Variants in CPE observed in about 807,000 individuals in gnomAD.
CPE encodes the protein carboxypeptidase E, also known as carbocypeptidase E.
A neutral mutation model predicts 53.5 loss-of-function variants in CPE; 17 were observed. The observed-to-expected ratio is 0.32, with a 90% CI of 0.22 to 0.48. The LOEUF (loss-of-function observed/expected upper bound fraction) is 0.48. CPE is among the 20% of genes least tolerant of loss of function. The pLI, the probability that CPE is intolerant of heterozygous loss-of-function variation, is 0.99. For missense variants in CPE, 524 were observed against 614.7 expected (o/e 0.85, Z 1.56); for synonymous variants, 226 against 228.8 (o/e 0.99, Z 0.11).
intron 1 of CPE, among the ~76,000 whole-genome samples, chr4:165,449,385 G>T (rs898280318): frequency 6.6e-6 from 1 of 152,130 alleles, no homozygotes; most frequent in African/African-American, 2.4e-5. Flanking sequence ...CTTGAATCCC[G>T]GTTTATTTTA....
intron 1 of CPE, among the ~76,000 whole-genome samples, chr4:165,397,031 A>T (rs1026483039): frequency 6.6e-6 from 1 of 152,194 alleles, no homozygotes; most frequent in African/African-American, 2.4e-5. Context: ...ACTGAACTCC[A>T]GCCTGGGTGA....
At chr4:165,493,422 T>C (rs1732643769) in intron 7 of CPE, 152 bp downstream of exon 7, 3 of 586,428 alleles carry the variant, frequency 5.1e-6, no homozygotes, top group Admixed American at 3.6e-5. Flanking sequence ...GTTTCCTTTG[T>C]GGGCTCAGGT....
In CPE at chr4:165,379,079, A is replaced by G; in HGVS notation, c.-143A>G. 2.7e-6 allele frequency: 2 copies of G among 746,854 alleles called. No homozygotes were observed. Among genetic ancestry groups the G allele is most frequent in the Non-Finnish European group, 3.6e-6 (2 of 557,670 alleles). 46.3% of individuals were successfully genotyped at this position (746,854 alleles called of 1,614,324 possible). A position where few individuals can be genotyped will look rare whatever the true frequency, so the allele number is the denominator to read the frequency against. The stretch of plus-strand genomic sequence containing the variant: ...GGCCCCAGTGCGCGGGCTGACACTC[A>G]TTCAGCCGGGGAAGGTGAGGCGAGT... On this transcript the variant is annotated 5_prime_UTR_variant, in exon 1 of 9. Coordinates refer to ENST00000402744, the MANE Select transcript of CPE (RefSeq NM_001873.4). The surrounding 1 kb of genome is among the most constrained non-coding windows in gnomAD (Gnocchi z 6.0).
At chr4:165,410,035 G>C (rs926792770) in intron 1 of CPE, among the ~76,000 whole-genome samples, 1 of 152,054 alleles carries the variant, frequency 6.6e-6, no homozygotes, top group East Asian at 1.9e-4. Flanking sequence ...ATCACCTGAG[G>C]TCAGGAGTTC....
intron 3 of CPE, among the ~76,000 whole-genome samples, chr4:165,474,956 T>C (rs1336253086): frequency 2.0e-5 from 3 of 152,232 alleles, no homozygotes; most frequent in Non-Finnish European, 2.9e-5. Flanking sequence ...CCTTCGAATA[T>C]GACCTTGAAG....
At chr4:165,404,654 G>A in intron 1 of CPE, 3 of 1,070,354 alleles carry the variant, frequency 2.8e-6, no homozygotes, top group Non-Finnish European at 4.4e-6. Flanking sequence ...CAGCTTCTTT[G>A]GGTCAACTCC....
At chr4:165,444,170 G>C (rs1041855214) in intron 1 of CPE, among the ~76,000 whole-genome samples, 1 of 152,158 alleles carries the variant, frequency 6.6e-6, no homozygotes, top group South Asian at 2.1e-4. Context: ...TATAAAGTCG[G>C]TGTTATTATT....
chr4:165,477,271 C>A (rs1297210769), intron 3 of CPE, among the ~76,000 whole-genome samples: 1 of 152,186 alleles, frequency 6.6e-6, no homozygotes, highest in African/African-American at 2.4e-5. Context: ...GAGGCATGTT[C>A]ATGGTACTAT....
At chr4:165,406,929 T>C (rs1379817092) in intron 1 of CPE, among the ~76,000 whole-genome samples, 1 of 152,240 alleles carries the variant, frequency 6.6e-6, no homozygotes, top group African/African-American at 2.4e-5. Context: ...ACCCATGTTG[T>C]AGCATGTATT....
At chr4:165,395,913 A>T (rs570229214) in intron 1 of CPE, among the ~76,000 whole-genome samples, 2 of 152,328 alleles carry the variant, frequency 1.3e-5, no homozygotes, top group Admixed American at 1.3e-4. Flanking sequence ...TAGTAAGAGG[A>T]GTTCTCCCTT....
At chr4:165,401,725 C>T (rs1730871730) in intron 1 of CPE, among the ~76,000 whole-genome samples, 1 of 152,152 alleles carries the variant, frequency 6.6e-6, no homozygotes, top group African/African-American at 2.4e-5. Flanking sequence ...ACATGAAATA[C>T]TTTTGGAAAG....
chr4:165,495,556 C>T lies in CPE; in HGVS notation c.1214-3C>T, dbSNP rs1380673309. ...TGTGATTTGATATTCTGCCTTCCTA[C>T]AGCAAAGGATGGTGATTACTGGAGA... On this transcript the variant is annotated splice_polypyrimidine_tract_variant and splice_region_variant and intron_variant, in intron 7 of 8. Coordinates refer to ENST00000402744, the MANE Select transcript of CPE (RefSeq NM_001873.4). The T allele has an allele frequency of 1.3e-6, 2 of 1,592,238 alleles. No homozygotes were observed. The highest frequency in any genetic ancestry group is 1.1e-5 in the South Asian group (1 of 89,586).
chr4:165,465,655 T>G (rs1395122560), intron 2 of CPE, among the ~76,000 whole-genome samples: 1 of 152,076 alleles, frequency 6.6e-6, no homozygotes, highest in Non-Finnish European at 1.5e-5. Flanking sequence ...TTATTAGTTT[T>G]CCAGATTGTA....
At chr4:165,493,454 A>C (rs1732644520) in intron 7 of CPE, among the ~76,000 whole-genome samples, 184 bp downstream of exon 7, 1 of 152,342 alleles carries the variant, frequency 6.6e-6, no homozygotes, top group African/African-American at 2.4e-5. Flanking sequence ...AGTGGAGCCC[A>C]GGGCGGCTGC....
At chr4:165,395,306 A>G (rs920317176) in intron 1 of CPE, among the ~76,000 whole-genome samples, 3 of 152,172 alleles carry the variant, frequency 2.0e-5, no homozygotes, top group Non-Finnish European at 4.4e-5. Flanking sequence ...TGAATTATTC[A>G]GACAATTGCT....
At chr4:165,421,843 T>C (rs560150100) in intron 1 of CPE, among the ~76,000 whole-genome samples, 40 of 152,366 alleles carry the variant, frequency 2.6e-4, no homozygotes, top group East Asian at 5.8e-4. Flanking sequence ...TAGCATTCCA[T>C]TTTAATGCCT....
chr4:165,490,242 CTAAT>C (rs1486594963), intron 6 of CPE, among the ~76,000 whole-genome samples: 4 of 152,170 alleles, frequency 2.6e-5, no homozygotes, highest in African/African-American at 9.7e-5. Context: ...AATTGTAAAG[CTAAT>C]TAGAGTAGAG....
chr4:165,433,768 T>C (rs1039399262), intron 1 of CPE, among the ~76,000 whole-genome samples: 6 of 152,166 alleles, frequency 3.9e-5, no homozygotes, highest in African/African-American at 7.2e-5. Context: ...AAGCTAGGGA[T>C]CCTTCTTAAA....
intron 3 of CPE, among the ~76,000 whole-genome samples, chr4:165,476,630 T>A (rs1732306633): frequency 6.6e-6 from 1 of 152,052 alleles, no homozygotes; most frequent in Non-Finnish European, 1.5e-5. Context: ...CAATTATTAT[T>A]TTAGAGAGGC....
Sources: allele counts gnomAD v4.1 joint callset (sites outside exome capture counted in the v4.1 genomes callset), GRCh38; gene constraint gnomAD v4.1.1; non-coding constraint Gnocchi (gnomAD v3.1); transcripts MANE v1.5; gene names NCBI Gene and HGNC (gene_info 2026-07-23, HGNC 2026-07-21).